TRPM4: variants seen among roughly 807,000 people sequenced by gnomAD.
TRPM4 encodes the protein calcium-activated non-selective cation channel 1.
TRPM4 carries 124 observed loss-of-function variants against 135.6 expected under a neutral mutation model. That is an observed-to-expected ratio of 0.91 (90% CI 0.79 to 1.06). The LOEUF (loss-of-function observed/expected upper bound fraction) is 1.06. Among genes scored for constraint, TRPM4 ranks in the 50% least tolerant of loss-of-function variants. TRPM4 has a pLI of 0.00. For synonymous variants in TRPM4, 745 were observed against 705.6 expected, an observed-to-expected ratio of 1.06 and a Z score of -0.88; for missense variants, 1,658 against 1,671.4, an observed-to-expected ratio of 0.99 and a Z score of 0.14.
In TRPM4 at chr19:49,210,552, C is replaced by T; in HGVS notation, c.3328+147C>T. ...TAAGCAACAAGGGGCGGAGCTTAAG[C>T]ACTGAGGGGCAGTGCTTACGGGTGA... On this transcript the variant is annotated intron_variant, in intron 21 of 24. Coordinates refer to ENST00000252826, the MANE Select transcript of TRPM4 (RefSeq NM_017636.4). The surrounding 1 kb of genome is among the most constrained non-coding windows in gnomAD (Gnocchi z 4.1). 7.1e-7 allele frequency: 1 copy of T among 1,411,562 alleles called. No homozygotes were observed. Among genetic ancestry groups the T allele is most frequent in the South Asian group, 1.2e-5 (1 of 83,642 alleles). The allele number at this position is 1,411,562 out of a possible 1,614,324, so 87.4% of individuals were successfully genotyped here.
At position 49,206,172 on chromosome 19, in the gene TRPM4, A is replaced by G. The variant is rs534459212; in HGVS notation, c.3131+4031A>G. Among the ~76,000 whole-genome samples the G allele has an allele frequency of 6.6e-5, 10 of 151,852 alleles. No homozygotes were observed. In the South Asian group the frequency reaches 8.3e-4, roughly 13 times the overall value. ...GAGACAGGGTTTCACCATGTTGGCCAGGCTAGTCTTGAACTCCTGACCTCA... is the reference window on the plus strand; with the variant it reads ...GAGACAGGGTTTCACCATGTTGGCCGGGCTAGTCTTGAACTCCTGACCTCA... On this transcript the variant is annotated intron_variant, in intron 20 of 24. Coordinates refer to ENST00000252826, the MANE Select transcript of TRPM4 (RefSeq NM_017636.4).
chr19:49,182,086 ATCCATCTG>A (rs1366752312), intron 10 of TRPM4, among the ~76,000 whole-genome samples: 2 of 142,704 alleles, frequency 1.4e-5, no homozygotes, highest in African/African-American at 5.4e-5. Context: ...CCATCCATCC[ATCCATCTG>A]TCCATCCATC....
chr19:49,202,272 C>T, intron 20 of TRPM4, 131 bp downstream of exon 20: 1 of 1,103,752 alleles, frequency 9.1e-7, no homozygotes, highest in South Asian at 1.3e-5. Flanking sequence ...CTGCCTTCTC[C>T]CCAAACCCAA....
intron 12 of TRPM4, 22 bp from the exon 13 acceptor site, chr19:49,188,619 C>G (rs776697936): frequency 6.2e-7 from 1 of 1,614,066 alleles, no homozygotes; most frequent in African/African-American, 1.3e-5. Flanking sequence ...TTGACGCATC[C>G]GTGCCCTCTT....
chr19:49,159,248 T>A (rs1255892420), intron 2 of TRPM4: 2 of 151,776 alleles, frequency 1.3e-5, no homozygotes, highest in African/African-American at 2.4e-5. Context: ...GCCAGGATGA[T>A]CTCGATCTCC....
Position 49,210,526 on chromosome 19 carries a change from T to G in TRPM4, c.3328+121T>G. ...TGGCTTAGGTAGCGAGGGGCGGGGT[T>G]TAAGCAACAAGGGGCGGAGCTTAAG... is the stretch of plus-strand genomic sequence containing the variant. On this transcript the variant is annotated intron_variant, in intron 21 of 24. Transcript: ENST00000252826. The surrounding 1 kb of genome is among the most constrained non-coding windows in gnomAD (Gnocchi z 4.1). The G allele has an allele frequency of 6.9e-7, 1 of 1,444,114 alleles. No individual in the cohort carries two copies. Among genetic ancestry groups the G allele is most frequent in the Non-Finnish European group, 9.5e-7 (1 of 1,052,018 alleles). 89.5% of individuals were successfully genotyped at this position (1,444,114 alleles called of 1,614,324 possible). A position where few individuals can be genotyped will look rare whatever the true frequency, so the allele number is the denominator to read the frequency against.
rs1282170157 is a variant in TRPM4 at position 49,171,202 on chromosome 19, A to G, written c.797-155A>G. On this transcript the variant is annotated intron_variant, in intron 6 of 24. Transcript: ENST00000252826. This position sits in a 1 kb window ranked among gnomAD's most constrained non-coding sequence, Gnocchi z 4.7. ...ACCCCCATTTCTAAAATAAATACAT[A>G]ATTAAGTAAAAAAAGAAATGACAAT... Among the ~76,000 whole-genome samples the G allele has an allele frequency of 4.6e-5, 7 of 152,192 alleles. No homozygotes were observed. The highest frequency in any genetic ancestry group is 7.2e-5 in the African/African-American group (3 of 41,436).
At position 49,182,559 on chromosome 19, in the gene TRPM4, A is replaced by G. The variant is rs768423145; in HGVS notation, c.1264-19A>G. On this transcript the variant is annotated intron_variant, in intron 10 of 24. Transcript: ENST00000252826. ...AACCTTTGAGCTAATCTCTTCCCCT[A>G]TTCATCCCACCCTGCCAGTCCTTCC... 1.0e-5 allele frequency: 16 copies of G among 1,606,336 alleles called. No individual in the cohort carries two copies. Among genetic ancestry groups the G allele is most frequent in the East Asian group, 2.2e-5 (1 of 44,848 alleles).
intron 9 of TRPM4, among the ~76,000 whole-genome samples, chr19:49,174,540 C>T (rs1456258842): frequency 6.6e-6 from 1 of 151,836 alleles, no homozygotes; most frequent in Non-Finnish European, 1.5e-5. Flanking sequence ...GAGGGAAGAT[C>T]GCTTGAGCCC....
intron 14 of TRPM4, among the ~76,000 whole-genome samples, chr19:49,189,606 A>G (rs1344951460): frequency 6.6e-6 from 1 of 151,610 alleles, no homozygotes; most frequent in African/African-American, 2.4e-5. Context: ...ATAGGAAATC[A>G]TCTGCCTTGG....
chr19:49,211,339 G>T lies in TRPM4; in HGVS notation c.3640+70G>T, dbSNP rs1484788826. 1 of 1,576,598 alleles carries T rather than the reference G, an allele frequency of 6.3e-7. No homozygotes were observed. The highest frequency in any genetic ancestry group is 1.3e-5 in the African/African-American group (1 of 74,228). On this transcript the variant is annotated intron_variant, in intron 24 of 24. Transcript: ENST00000252826. This position sits in a 1 kb window ranked among gnomAD's most constrained non-coding sequence, Gnocchi z 4.8. ...GTATTTTTGCGTGTTTTTCTCTCTC[G>T]GCACCTTTCCAGTGTCCCTGGGTCA...
intron 12 of TRPM4, among the ~76,000 whole-genome samples, chr19:49,186,040 C>T (rs910217398): frequency 2.5e-4 from 38 of 152,124 alleles, no homozygotes; most frequent in Admixed American, 8.5e-4. Context: ...CGTGAGCCAC[C>T]GCGCCCACCC....
intron 17 of TRPM4, among the ~76,000 whole-genome samples, chr19:49,199,641 C>T (rs1426163524): frequency 1.3e-5 from 2 of 151,864 alleles, no homozygotes; most frequent in African/African-American, 2.4e-5. Context: ...TCCTAATCCT[C>T]GGTAGTTTTG....
In TRPM4 at chr19:49,211,002, C is replaced by T. The variant is rs1368524023; in HGVS notation, c.3462-13C>T. 1 of 1,613,564 alleles carries T rather than the reference C, an allele frequency of 6.2e-7. No homozygotes were observed. The highest frequency in any genetic ancestry group is 8.5e-7 in the Non-Finnish European group (1 of 1,179,846). Reference sequence around the variant, plus strand: ...GCTGCGGGTGCCCCCGGTAAGAGGCCCTCCCTTCTCAGGGTGGACTTGGCA... The same window carrying T: ...GCTGCGGGTGCCCCCGGTAAGAGGCTCTCCCTTCTCAGGGTGGACTTGGCA... On this transcript the variant is annotated splice_polypyrimidine_tract_variant and intron_variant, in intron 22 of 24. Coordinates refer to ENST00000252826, the MANE Select transcript of TRPM4 (RefSeq NM_017636.4). This position sits in a 1 kb window ranked among gnomAD's most constrained non-coding sequence, Gnocchi z 4.8.
At chr19:49,182,424 CTACCTATCCATT>C (rs1232865634) in intron 10 of TRPM4, 142 bp from the exon 11 acceptor site, 1 of 704,426 alleles carries the variant, frequency 1.4e-6, no homozygotes, top group East Asian at 2.7e-5. Flanking sequence ...ATCCATCCAT[CTACCTATCCATT>C]CATCCATCCA....
In TRPM4 at chr19:49,204,982, GTTTTT is replaced by G. The variant is rs756332219; in HGVS notation, c.3131+2858_3131+2862del. Among the ~76,000 whole-genome samples the G allele has an allele frequency of 9.1e-3, 553 of 60,766 alleles. 2 individuals are homozygous for G. The Middle Eastern group carries it at 0.12, about 14-fold the overall frequency. The allele number at this position is 60,766 out of a possible 152,430, so 39.9% of individuals were successfully genotyped here. A position where few individuals can be genotyped will look rare whatever the true frequency, so the allele number is the denominator to read the frequency against. ...ATATAAAATTTCATTGGCTTTGGTT[GTTTTT>G]TTTTTTTTTTTTTTTTCAGAGATGG... is the stretch of plus-strand genomic sequence containing the variant. On this transcript the variant is annotated intron_variant, in intron 20 of 24. Coordinates refer to ENST00000252826, the MANE Select transcript of TRPM4 (RefSeq NM_017636.4).
intron 20 of TRPM4, among the ~76,000 whole-genome samples, chr19:49,208,331 C>T (rs1039992018): frequency 3.2e-4 from 48 of 152,016 alleles, no homozygotes; most frequent in African/African-American, 9.9e-4. Flanking sequence ...TAAACTCCCC[C>T]GGGGAAAGGG....
In TRPM4 at chr19:49,167,979, G is replaced by A; in HGVS notation, c.330G>A (p.Trp110Ter). The A allele has an allele frequency of 6.2e-7, 1 of 1,614,062 alleles. No individual in the cohort carries two copies. Among genetic ancestry groups the A allele is most frequent in the Non-Finnish European group, 8.5e-7 (1 of 1,180,030 alleles). ...TTTATAGTCTGGTCACACGCACATG[G>A]GGCTTCCGTGCCCCGAACCTGGTGG... ...AAVYSLVTRT[W>*]GFRAPNLVVS... Residue 110 changes from tryptophan (W) to a stop codon, truncating the protein, a stop_gained, in exon 4 of 25, where the codon TGG (tryptophan) becomes TGA (stop). Transcript: ENST00000252826. LOFTEE classifies it high-confidence loss of function.
chr19:49,168,024 G>C lies in TRPM4; in HGVS notation c.375G>C (p.Ser125=). 2 of 1,611,228 alleles carry C rather than the reference G, an allele frequency of 1.2e-6. No individual in the cohort carries two copies. Among genetic ancestry groups the C allele is most frequent in the Non-Finnish European group, 1.7e-6 (2 of 1,178,890 alleles). ...PNLVVSVLGG[S]GGPVLQTWLQ... ...TGGTGGTGTCAGTGCTGGGGGGATC[G>C]GGGGGCCCCGTCCTCCAGACCTGGC... Residue 125 remains serine (S), a synonymous_variant, in exon 4 of 25, where the codon TCG becomes TCC. Transcript: ENST00000252826.
Sources: gnomAD v4.1 joint callset for allele counts (sites outside exome capture counted in the v4.1 genomes callset) on GRCh38, gnomAD v4.1.1 for gene constraint, Gnocchi (gnomAD v3.1) non-coding constraint, MANE v1.5 for transcripts, NCBI Gene and HGNC (gene_info 2026-07-23, HGNC 2026-07-21) for gene names.